Variants in PRKCE observed in about 807,000 individuals in gnomAD.
The protein encoded by PRKCE is protein kinase C epsilon type.
Under a neutral mutation model 85.4 loss-of-function variants are expected in PRKCE, and 16 were observed. The observed-to-expected ratio is 0.19, with a 90% confidence interval of 0.13 to 0.28. The LOEUF (loss-of-function observed/expected upper bound fraction) is 0.28, where lower values mean the gene tolerates loss of function less well. Ranked by LOEUF, PRKCE falls within the 10% of genes least tolerant of loss-of-function variation. The pLI is 1.00. For synonymous variants in PRKCE, 388 were observed against 371.5 expected, an observed-to-expected ratio of 1.04 and a Z score of -0.51; for missense variants, 573 against 975.2, an observed-to-expected ratio of 0.59 and a Z score of 5.49.
At chr2:45,734,015 C>G (rs10199426) in intron 1 of PRKCE, among the ~76,000 whole-genome samples, 10,108 of 152,250 alleles carry the variant, frequency 0.066, 362 homozygotes, top group Non-Finnish European at 0.077. Context: ...TAGCAGGTGG[C>G]ACCATGTGGG....
chr2:46,148,041 C>G (rs535365185), intron 12 of PRKCE, among the ~76,000 whole-genome samples: 1 of 152,366 alleles, frequency 6.6e-6, no homozygotes, highest in Admixed American at 6.5e-5. Flanking sequence ...TGGTAAGGTG[C>G]TGAGCTAACC....
At chr2:45,959,711 G>A (rs1184515166) in intron 2 of PRKCE, among the ~76,000 whole-genome samples, 1 of 152,140 alleles carries the variant, frequency 6.6e-6, no homozygotes, top group Non-Finnish European at 1.5e-5. Flanking sequence ...TAATGCCTGT[G>A]TGATGATTAT....
chr2:46,003,816 T>A (rs1704923338), intron 7 of PRKCE: 1 of 152,408 alleles, frequency 6.6e-6, no homozygotes, highest in Admixed American at 6.5e-5. Flanking sequence ...TTTCTTCCCT[T>A]AAATTGGCAA....
Position 46,138,721 on chromosome 2 carries a change from AGGGGG to A in PRKCE, c.1593-6371_1593-6367del, listed in dbSNP as rs1433083918. Among the ~76,000 whole-genome samples, 1 of 152,182 alleles carries A rather than the reference AGGGGG, an allele frequency of 6.6e-6. No homozygotes were observed. Among genetic ancestry groups the A allele is most frequent in the Non-Finnish European group, 1.5e-5 (1 of 68,012 alleles). ...ACACAGTTGGTTGTCACAGCTGGAG[AGGGGG>A]CATACTAATAGCACCTAATGCATCT... On this transcript the variant is annotated intron_variant, in intron 11 of 14. Transcript: ENST00000306156. The surrounding 1 kb of genome is among the most constrained non-coding windows in gnomAD (Gnocchi z 4.2).
At chr2:45,682,607 A>G (rs958359192) in intron 1 of PRKCE, among the ~76,000 whole-genome samples, 10 of 151,654 alleles carry the variant, frequency 6.6e-5, no homozygotes, top group South Asian at 2.1e-4. Flanking sequence ...TCTTTTTGAG[A>G]TGGAGTTTCA....
intron 10 of PRKCE, among the ~76,000 whole-genome samples, chr2:46,025,794 T>A (rs1235107947): frequency 6.6e-6 from 1 of 152,214 alleles, no homozygotes; most frequent in African/African-American, 2.4e-5. Context: ...GCAAGCCCTG[T>A]CCAAGGCAGA....
At chr2:46,086,404 TA>T in intron 11 of PRKCE, 42 bp downstream of exon 11, 1 of 1,583,928 alleles carries the variant, frequency 6.3e-7, no homozygotes, top group Non-Finnish European at 8.6e-7. Context: ...GTGAAGAAAA[TA>T]AAGGATGCTT....
intron 2 of PRKCE, among the ~76,000 whole-genome samples, chr2:45,975,586 T>C (rs191088628): frequency 1.3e-5 from 2 of 152,298 alleles, no homozygotes; most frequent in Admixed American, 1.3e-4. Flanking sequence ...TAGCATCACT[T>C]TGGGGGTTAA....
chr2:45,881,183 G>A (rs1159487388), intron 2 of PRKCE, among the ~76,000 whole-genome samples: 1 of 151,564 alleles, frequency 6.6e-6, no homozygotes, highest in Non-Finnish European at 1.5e-5. Flanking sequence ...ATTTCAGGGT[G>A]TATTTGCCTT....
At chr2:45,805,228 A>G (rs1212422171) in intron 1 of PRKCE, among the ~76,000 whole-genome samples, 1 of 152,230 alleles carries the variant, frequency 6.6e-6, no homozygotes, top group African/African-American at 2.4e-5. Context: ...AGAGCCATAG[A>G]GAGGGTAAAT....
rs545579658 is a variant in PRKCE at position 46,186,321 on chromosome 2, T to C, written c.*1440T>C. The C allele has an allele frequency of 6.5e-6, 1 of 152,792 alleles. No homozygotes were observed. Among genetic ancestry groups the C allele is most frequent in the Non-Finnish European group, 1.5e-5 (1 of 68,042 alleles). The allele number at this position is 152,792 out of a possible 1,614,324, so 9.5% of individuals were successfully genotyped here. ...TGGATTTCCCAGCTGCCCCTAAATA[T>C]ATATACTTGTGAGTGGCAAAGTGGC... On this transcript the variant is annotated 3_prime_UTR_variant, in exon 15 of 15. Coordinates refer to ENST00000306156, the MANE Select transcript of PRKCE (RefSeq NM_005400.3).
chr2:45,858,508 A>G (rs77271855), intron 2 of PRKCE, among the ~76,000 whole-genome samples: 4,027 of 152,202 alleles, frequency 0.026, 64 homozygotes, highest in Middle Eastern at 0.082. Context: ...TATATTGTAT[A>G]TCATGGGTCA....
rs558939564 is a variant in PRKCE at position 46,023,680 on chromosome 2, C to T, written c.1437+13163C>T. 1.8e-4 allele frequency among the ~76,000 whole-genome samples: 27 copies of T among 152,272 alleles called. No individual in the cohort carries two copies. In the Middle Eastern group the frequency reaches 0.014, roughly 77 times the overall value. ...TCCTTCCTGTCACTGAGGAGGAGGT[C>T]ACAAATTGGGGCTGGCTTCCAAATG... On this transcript the variant is annotated intron_variant, in intron 10 of 14. Transcript: ENST00000306156.
intron 2 of PRKCE, among the ~76,000 whole-genome samples, chr2:45,855,168 T>C (rs954277950): frequency 1.3e-5 from 2 of 152,208 alleles, no homozygotes; most frequent in Admixed American, 1.3e-4. Context: ...CTAATGATCT[T>C]TTGTAAGATC....
At chr2:46,017,248 C>G (rs1435505776) in intron 10 of PRKCE, among the ~76,000 whole-genome samples, 1 of 152,192 alleles carries the variant, frequency 6.6e-6, no homozygotes, top group African/African-American at 2.4e-5. Flanking sequence ...GCAACAGCCA[C>G]TCTGTCAGTC....
intron 10 of PRKCE, among the ~76,000 whole-genome samples, chr2:46,067,545 T>G (rs757807867): frequency 2.0e-5 from 3 of 152,226 alleles, no homozygotes; most frequent in Non-Finnish European, 4.4e-5. Context: ...GGGCCCAGCC[T>G]ACGTGGTGCA....
At chr2:45,875,169 C>T (rs555485441) in intron 2 of PRKCE, among the ~76,000 whole-genome samples, 4 of 152,160 alleles carry the variant, frequency 2.6e-5, no homozygotes, top group South Asian at 2.1e-4. Context: ...AGGTGAGACT[C>T]GGAGTGAAAA....
chr2:45,927,415 A>G (rs1698716720), intron 2 of PRKCE, among the ~76,000 whole-genome samples: 1 of 152,136 alleles, frequency 6.6e-6, no homozygotes, highest in South Asian at 2.1e-4. Context: ...TGAAGCAGGT[A>G]TTATCTCCAT....
At chr2:45,980,839 A>G (rs1702834286) in intron 5 of PRKCE, among the ~76,000 whole-genome samples, 1 of 152,230 alleles carries the variant, frequency 6.6e-6, no homozygotes, top group Non-Finnish European at 1.5e-5. Context: ...GAATAAAAAG[A>G]GTCAACATTC....
Sources: allele counts gnomAD v4.1 joint callset (sites outside exome capture counted in the v4.1 genomes callset), GRCh38; gene constraint gnomAD v4.1.1; non-coding constraint Gnocchi (gnomAD v3.1); transcripts MANE v1.5; gene names NCBI Gene and HGNC (gene_info 2026-07-23, HGNC 2026-07-21).